Variants in SNX8 observed in about 807,000 individuals in gnomAD.
The protein encoded by SNX8 is sorting nexin-8.
A neutral mutation model predicts 51.6 loss-of-function variants in SNX8; 25 were observed. That is an observed-to-expected ratio of 0.48 (90% CI 0.35 to 0.68). The LOEUF is 0.68. Ranked by LOEUF, SNX8 falls within the 30% of genes least tolerant of loss-of-function variation. SNX8 has a pLI of 0.00. For missense variants in SNX8, 695 were observed against 624.0 expected (o/e 1.11, Z -1.21); for synonymous variants, 324 against 277.0 (o/e 1.17, Z -1.68).
At chr7:2,311,337 TC>T in intron 1 of SNX8, among the ~76,000 whole-genome samples, 2 of 152,316 alleles carry the variant, frequency 1.3e-5, no homozygotes, top group Admixed American at 1.3e-4. Flanking sequence ...ACACATAGTC[TC>T]CGGACAATAT....
intron 2 of SNX8, among the ~76,000 whole-genome samples, chr7:2,276,643 A>G (rs966202625): frequency 3.2e-5 from 2 of 62,234 alleles, no homozygotes; most frequent in African/African-American, 8.0e-5. Context: ...TTTGTACTTT[A>G]AAAAAAAAAA....
intron 4 of SNX8, 75 bp from the exon 5 acceptor site, chr7:2,269,714 T>A: frequency 1.0e-6 from 1 of 963,900 alleles, no homozygotes; most frequent in Non-Finnish European, 1.6e-6. Flanking sequence ...TGGGTCACTG[T>A]GGAGCGGGAG....
intron 2 of SNX8, among the ~76,000 whole-genome samples, chr7:2,276,095 GC>G (rs1255047846): frequency 6.6e-6 from 1 of 152,022 alleles, no homozygotes; most frequent in Non-Finnish European, 1.5e-5. Flanking sequence ...TGACCAAACT[GC>G]CCCCTTGACA....
In SNX8 at chr7:2,251,800, A is replaced by G. The variant is rs377272995; in HGVS notation, c.*3256T>C. On this transcript the variant is annotated 3_prime_UTR_variant, in exon 11 of 11. Coordinates refer to ENST00000222990, the MANE Select transcript of SNX8 (RefSeq NM_013321.4). The stretch of plus-strand genomic sequence containing the variant: ...GTTGTTCACACATGTTTATTGATAA[A>G]CCGTCCAAAATGTAGGTCATGTGTA... 6.6e-6 allele frequency: 1 copy of G among 152,570 alleles called. No homozygotes were observed. Among genetic ancestry groups the G allele is most frequent in the East Asian group, 1.9e-4 (1 of 5,198 alleles). 9.5% of individuals were successfully genotyped at this position (152,570 alleles called of 1,614,324 possible).
At chr7:2,268,452 G>C (rs1309886900) in intron 5 of SNX8, among the ~76,000 whole-genome samples, 2 of 143,940 alleles carry the variant, frequency 1.4e-5, no homozygotes, top group African/African-American at 5.1e-5. Flanking sequence ...AGGGAGGTGG[G>C]GGGGGTCAGC....
At chr7:2,298,054 C>CT (rs1439725792) in intron 1 of SNX8, among the ~76,000 whole-genome samples, 1 of 152,030 alleles carries the variant, frequency 6.6e-6, no homozygotes, top group Non-Finnish European at 1.5e-5. Context: ...AAAAGAAACA[C>CT]TAAAAAAACA....
upstream of SNX8, among the ~76,000 whole-genome samples, chr7:2,317,483 G>A (rs1796775852): frequency 6.6e-6 from 1 of 151,368 alleles, no homozygotes; most frequent in Admixed American, 6.6e-5. Context: ...CACCATGTTG[G>A]CCAGGCTGGT....
chr7:2,298,680 TTTTG>T (rs1318258135), intron 1 of SNX8, among the ~76,000 whole-genome samples: 1 of 150,270 alleles, frequency 6.7e-6, no homozygotes, highest in Non-Finnish European at 1.5e-5. Context: ...TGGGTTTTGG[TTTTG>T]TTTTTGTTTT....
rs571935546 is a variant in SNX8, at chr7:2,352,194, G to A, written c.-66+2028C>T. ...CCCAAAGTGCTGGGATTACAGGTGTGAGCCACCATGCCCGGCCATAATTTC... is the reference window on the plus strand; with the variant it reads ...CCCAAAGTGCTGGGATTACAGGTGTAAGCCACCATGCCCGGCCATAATTTC... On this transcript the variant is annotated intron_variant, in intron 1 of 5. Coordinates refer to the SNX8 transcript ENST00000435336. Among the ~76,000 whole-genome samples the A allele has an allele frequency of 3.3e-5, 5 of 152,072 alleles. No individual in the cohort carries two copies. In the South Asian group the frequency reaches 1.0e-3, roughly 32 times the overall value.
intron 1 of SNX8, among the ~76,000 whole-genome samples, chr7:2,342,950 C>T (rs1389130271): frequency 6.6e-6 from 1 of 151,848 alleles, no homozygotes; most frequent in Non-Finnish European, 1.5e-5. Context: ...AGGCGCCCAC[C>T]ACCGGCTAAT....
chr7:2,353,298 T>A (rs1317929149), intron 1 of SNX8, among the ~76,000 whole-genome samples: 1 of 152,014 alleles, frequency 6.6e-6, no homozygotes, highest in Non-Finnish European at 1.5e-5. Context: ...GTGGGAGGAT[T>A]CTCTTGAGGC....
chr7:2,340,573 T>C (rs576580908), intron 1 of SNX8, among the ~76,000 whole-genome samples: 4 of 151,764 alleles, frequency 2.6e-5, no homozygotes, highest in Admixed American at 2.6e-4. Flanking sequence ...ACTCTAAAAC[T>C]AGGCCAGGTG....
chr7:2,283,858 C>G (rs1445100268), intron 1 of SNX8, among the ~76,000 whole-genome samples: 1 of 152,226 alleles, frequency 6.6e-6, no homozygotes, highest in African/African-American at 2.4e-5. Flanking sequence ...TGCAGTGGCA[C>G]AATCTTGGCT....
intron 1 of SNX8, among the ~76,000 whole-genome samples, chr7:2,283,045 C>T (rs530882534): frequency 2.6e-5 from 4 of 151,704 alleles, no homozygotes; most frequent in African/African-American, 4.8e-5. Flanking sequence ...GGTGTGAACC[C>T]GGGAGGCGGA....
At chr7:2,347,845 T>C (rs1019793675) in intron 1 of SNX8, among the ~76,000 whole-genome samples, 3 of 151,962 alleles carry the variant, frequency 2.0e-5, no homozygotes, top group Admixed American at 1.3e-4. Flanking sequence ...GGTTTCGCCA[T>C]ATTAGCCAGG....
At position 2,335,976 on chromosome 7, in the gene SNX8, G is replaced by A. The variant is rs115172623; in HGVS notation, c.-66+18246C>T. Among the ~76,000 whole-genome samples the A allele has an allele frequency of 7.8e-3, 1,187 of 151,740 alleles. 15 individuals carry two copies. Among genetic ancestry groups the A allele is most frequent in the African/African-American group, 0.027 (1,124 of 41,350 alleles). On this transcript the variant is annotated intron_variant, in intron 1 of 5. Transcript: ENST00000435336. ...AAATTAGCTGGGCATGGTGTCAGGC[G>A]TCTGTCATCCCAGATACTTGAGAGG... is the stretch of plus-strand genomic sequence containing the variant.
At chr7:2,294,575 G>T (rs759346421) in intron 1 of SNX8, among the ~76,000 whole-genome samples, 1 of 152,200 alleles carries the variant, frequency 6.6e-6, no homozygotes, top group Non-Finnish European at 1.5e-5. Context: ...TGGCTGGGGG[G>T]ACAGAACATG....
chr7:2,297,550 CAAAAAAAA>C lies in SNX8; in HGVS notation c.94+16770_94+16777del, dbSNP rs145543350. 2.2e-3 allele frequency among the ~76,000 whole-genome samples: 90 copies of C among 40,264 alleles called. 1 individual carries two copies. The highest frequency in any genetic ancestry group is 0.02 in the Middle Eastern group (1 of 50). The allele number at this position is 40,264 out of a possible 152,430, so 26.4% of individuals were successfully genotyped here. A position where few individuals can be genotyped will look rare whatever the true frequency, so the allele number is the denominator to read the frequency against. On this transcript the variant is annotated intron_variant, in intron 1 of 10. Coordinates refer to ENST00000222990, the MANE Select transcript of SNX8 (RefSeq NM_013321.4). Reference sequence around the variant, plus strand: ...GGGCAACAGGAGCAAAACCCCGCCGCAAAAAAAAAAAAAAAAAAAAAAAAAAATACCTG... The same window carrying C: ...GGGCAACAGGAGCAAAACCCCGCCGCAAAAAAAAAAAAAAAAAAATACCTG...
chr7:2,345,354 G>A (rs753760067), intron 1 of SNX8, among the ~76,000 whole-genome samples: 13 of 152,250 alleles, frequency 8.5e-5, no homozygotes, highest in East Asian at 7.7e-4. Flanking sequence ...ATTTAAAGAC[G>A]TAAATGAACC....
Sources: gnomAD v4.1 joint callset for allele counts (sites outside exome capture counted in the v4.1 genomes callset) on GRCh38, gnomAD v4.1.1 for gene constraint, MANE v1.5 for transcripts, NCBI Gene and HGNC (gene_info 2026-07-23, HGNC 2026-07-21) for gene names.